The following KATNA1 variants were observed in gnomAD, a reference collection of about 807,000 sequenced individuals.
KATNA1 encodes katanin catalytic subunit A1.
In KATNA1, 42 loss-of-function variants were observed where a neutral mutation model predicts 62.6. The ratio of observed to expected loss-of-function variants is 0.67; its 90% confidence interval spans 0.52 to 0.87. The LOEUF is 0.87. KATNA1 is among the 40% of genes least tolerant of loss of function. KATNA1 has a pLI of 0.00. For synonymous variants in KATNA1, 186 were observed against 201.9 expected (o/e 0.92, Z 0.67); for missense variants, 498 against 612.5 (o/e 0.81, Z 1.97).
intron 6 of KATNA1, among the ~76,000 whole-genome samples, chr6:149,602,218 T>G (rs1778572807): frequency 6.6e-6 from 1 of 152,118 alleles, no homozygotes; most frequent in Non-Finnish European, 1.5e-5. Flanking sequence ...ACAAAAAAAG[T>G]TAGCTGGGCG....
intron 2 of KATNA1, among the ~76,000 whole-genome samples, chr6:149,635,532 C>T (rs1562300320): frequency 6.6e-6 from 1 of 151,846 alleles, no homozygotes; most frequent in Non-Finnish European, 1.5e-5. Context: ...ATGGCAAAAA[C>T]CCCGTCTCTA....
chr6:149,634,254 C>T (rs1015693325), intron 2 of KATNA1, among the ~76,000 whole-genome samples: 1 of 124,530 alleles, frequency 8.0e-6, no homozygotes, highest in African/African-American at 4.3e-5. Context: ...GCCTGGGCAA[C>T]AGAGCAAGAC....
intron 3 of KATNA1, 142 bp downstream of exon 3, chr6:149,632,617 C>T: frequency 1.6e-6 from 1 of 616,602 alleles, no homozygotes. Flanking sequence ...AGGTTCAAGA[C>T]CAGTGAGTTA....
At chr6:149,639,088 C>A (rs1780186629) in intron 1 of KATNA1, among the ~76,000 whole-genome samples, 1 of 151,934 alleles carries the variant, frequency 6.6e-6, no homozygotes, top group African/African-American at 2.4e-5. Flanking sequence ...TCACTTCAGG[C>A]CAGGAGTTCA....
intron 1 of KATNA1, among the ~76,000 whole-genome samples, chr6:149,638,949 G>C (rs1780180555): frequency 1.3e-5 from 2 of 151,684 alleles, no homozygotes; most frequent in South Asian, 4.2e-4. Flanking sequence ...ATGTTGGCCA[G>C]GCTGGTCTCG....
chr6:149,617,761 C>T (rs562362710), intron 4 of KATNA1, among the ~76,000 whole-genome samples: 32 of 151,974 alleles, frequency 2.1e-4, no homozygotes, highest in African/African-American at 7.5e-4. Context: ...ATGGTGAAAC[C>T]CCGTCTCTAC....
Position 149,638,559 on chromosome 6 carries a change from A to T in KATNA1, c.-12T>A, listed in dbSNP as rs1002633921. 6.3e-7 allele frequency: 1 copy of T among 1,593,918 alleles called. No individual in the cohort carries two copies. Among genetic ancestry groups the T allele is most frequent in the Admixed American group, 1.8e-5 (1 of 54,780 alleles). On this transcript the variant is annotated splice_region_variant and 5_prime_UTR_variant, in exon 2 of 11. Coordinates refer to ENST00000367411, the MANE Select transcript of KATNA1 (RefSeq NM_007044.4). Reference sequence around the variant, plus strand: ...ATAAGAAGACTCATGTTCAACTGTAAGCTAAAAAGAAGAAGAAAAAAAGAA... The same window carrying T: ...ATAAGAAGACTCATGTTCAACTGTATGCTAAAAAGAAGAAGAAAAAAAGAA...
At chr6:149,597,260 CTTT>C in intron 9 of KATNA1, 71 bp from the exon 10 acceptor site, 1 of 1,496,892 alleles carries the variant, frequency 6.7e-7, no homozygotes, top group East Asian at 2.3e-5. Context: ...CTCAAATCTT[CTTT>C]GTGTGAGATG....
rs1455027796 is a variant in KATNA1 at position 149,640,856 on chromosome 6, TTTG to T, written c.-13-2299_-13-2297del. 2.2e-3 allele frequency among the ~76,000 whole-genome samples: 325 copies of T among 144,814 alleles called. 2 individuals carry two copies. Among genetic ancestry groups the T allele is most frequent in the African/African-American group, 8.1e-3 (315 of 38,928 alleles). On this transcript the variant is annotated intron_variant, in intron 1 of 10. Coordinates refer to ENST00000367411, the MANE Select transcript of KATNA1 (RefSeq NM_007044.4). The stretch of plus-strand genomic sequence containing the variant: ...GCCACCATGCCTGGCCTCGGGTATT[TTTG>T]TTGTTGTTGTTTTTGTTTTTGTTTT...
Position 149,601,740 on chromosome 6 carries a change from C to A in KATNA1, c.742G>T (p.Val248Phe). Residue 248 changes from valine (V) to phenylalanine (F), a missense_variant, in exon 7 of 11, where the codon GTC becomes TTC. Val to Phe is a conservative substitution (Grantham distance 50). Around this residue, in one of 3 missense-constraint regions of KATNA1, gnomAD observed 267 missense variants for 372.6 expected, o/e 0.72. Coordinates refer to ENST00000367411, the MANE Select transcript of KATNA1 (RefSeq NM_007044.4). ...GTCTTCCCCGTGCCAGGTGGGCCGACCATCAGTACTCCCTGTTGCGAATAT... is the reference window on the plus strand; with the variant it reads ...GTCTTCCCCGTGCCAGGTGGGCCGAACATCAGTACTCCCTGTTGCGAATAT... ...IRRPWKGVLM[V>F]GPPGTGKTLL... is the part of the protein sequence containing the mutation. The A allele has an allele frequency of 6.2e-7, 1 of 1,602,534 alleles. No homozygotes were observed. Among genetic ancestry groups the A allele is most frequent in the Non-Finnish European group, 8.5e-7 (1 of 1,175,422 alleles).
chr6:149,631,682 A>G (rs796248864), intron 3 of KATNA1: 9 of 152,346 alleles, frequency 5.9e-5, no homozygotes, highest in African/African-American at 1.9e-4. Context: ...CTGGGAAGTC[A>G]TAAGTGTTCT....
chr6:149,623,923 AGAG>A (rs1357754974), intron 3 of KATNA1, among the ~76,000 whole-genome samples: 1 of 152,178 alleles, frequency 6.6e-6, no homozygotes, highest in African/African-American at 2.4e-5. Context: ...AAAAATTATC[AGAG>A]AAGAGAGTTT....
intron 4 of KATNA1, among the ~76,000 whole-genome samples, chr6:149,620,369 G>A (rs1175353623): frequency 6.6e-6 from 1 of 152,084 alleles, no homozygotes; most frequent in Non-Finnish European, 1.5e-5. Flanking sequence ...CGCGATCTTG[G>A]CTCACTCCGC....
chr6:149,642,089 G>C (rs904904216), intron 1 of KATNA1, among the ~76,000 whole-genome samples: 11 of 152,098 alleles, frequency 7.2e-5, no homozygotes, highest in African/African-American at 2.7e-4. Context: ...TTTTAGTAGA[G>C]ATGGGATTTC....
intron 1 of KATNA1, 170 bp from the exon 2 acceptor site, chr6:149,638,730 G>GTTTTTTTTT (rs1217719467): frequency 1.0e-4 from 10 of 99,834 alleles, no homozygotes; most frequent in South Asian, 3.2e-4. Context: ...AAAAAACATT[G>GTTTTTTTTT]TTTTTTTTTT....
chr6:149,634,280 T>TAAAAG (rs1264474653), intron 2 of KATNA1, among the ~76,000 whole-genome samples: 4 of 141,488 alleles, frequency 2.8e-5, no homozygotes, highest in Admixed American at 2.7e-4. Flanking sequence ...CTCAAAAAAA[T>TAAAAG]AAAATAAAAT....
chr6:149,633,628 G>C (rs1779942066), intron 2 of KATNA1, among the ~76,000 whole-genome samples: 1 of 151,934 alleles, frequency 6.6e-6, no homozygotes, highest in Non-Finnish European at 1.5e-5. Flanking sequence ...AGCTACCTGG[G>C]AGGCTGAGGC....
At chr6:149,602,620 G>A (rs1350308866) in intron 6 of KATNA1, among the ~76,000 whole-genome samples, 4 of 151,820 alleles carry the variant, frequency 2.6e-5, no homozygotes, top group Non-Finnish European at 4.4e-5. Context: ...CAAAATACAG[G>A]TTACAATCAT....
At chr6:149,604,625 A>C in intron 5 of KATNA1, 36 bp downstream of exon 5, 1 of 1,610,706 alleles carries the variant, frequency 6.2e-7, no homozygotes, top group Non-Finnish European at 8.5e-7. Flanking sequence ...GAATAGCATC[A>C]CCAGCACCCA....
Sources: allele counts gnomAD v4.1 joint callset (sites outside exome capture counted in the v4.1 genomes callset), GRCh38; gene constraint gnomAD v4.1.1; regional missense constraint gnomAD v4.1.1; transcripts MANE v1.5; gene names NCBI Gene and HGNC (gene_info 2026-07-23, HGNC 2026-07-21).